TMEM233: variants seen among roughly 807,000 people sequenced by gnomAD.
TMEM233 encodes transmembrane protein 233.
A neutral mutation model predicts 11.2 loss-of-function variants in TMEM233; 6 were observed. The ratio of observed to expected loss-of-function variants is 0.54; its 90% CI spans 0.29 to 1.06. The LOEUF is 1.06. TMEM233 is among the 50% of genes least tolerant of loss of function. The pLI is 0.08. For synonymous variants in TMEM233, 59 were observed against 55.8 expected (o/e 1.06, Z -0.26); for missense variants, 127 against 144.7 (o/e 0.88, Z 0.63).
chr12:119,608,814 T>G (rs1345351069), intron 1 of TMEM233, among the ~76,000 whole-genome samples: 2 of 152,214 alleles, frequency 1.3e-5, no homozygotes, highest in African/African-American at 4.8e-5. Context: ...CCTACATTCA[T>G]TTATTCATTT....
chr12:119,614,552 A>G (rs1954483363), intron 1 of TMEM233, among the ~76,000 whole-genome samples: 1 of 152,232 alleles, frequency 6.6e-6, no homozygotes, highest in African/African-American at 2.4e-5. Flanking sequence ...AAAGTCATCT[A>G]CCTGGTGCTG....
intron 1 of TMEM233, among the ~76,000 whole-genome samples, chr12:119,597,535 G>A (rs1269384519): frequency 2.0e-5 from 3 of 151,650 alleles, no homozygotes; most frequent in Admixed American, 6.6e-5. Context: ...CCAAGCCTGA[G>A]AAGCTTTCTA....
chr12:119,607,789 A>G (rs1413935626), intron 1 of TMEM233, among the ~76,000 whole-genome samples: 1 of 151,690 alleles, frequency 6.6e-6, no homozygotes, highest in Non-Finnish European at 1.5e-5. Context: ...TAATCTTTGT[A>G]TTTCTTGCTG....
At position 119,593,889 on chromosome 12, in the gene TMEM233, T is replaced by C. The variant is rs569870460; in HGVS notation, c.41T>C (p.Leu14Ser). Residue 14 changes from leucine to serine, a missense_variant, in exon 1 of 3, where the codon TTG becomes TCG. Transcript: ENST00000426426. The surrounding 1 kb of genome is among the most constrained non-coding windows in gnomAD (Gnocchi z 4.1). ...CCTAGCCCGGACTTCAAGAGGGCTT[T>C]GGACAGCAGTCCCGAGGCCAACACT... is the stretch of plus-strand genomic sequence containing the variant. ...YAPSPDFKRA[L>S]DSSPEANTED... 118 of 1,551,728 alleles carry C rather than the reference T, an allele frequency of 7.6e-5. 2 individuals are homozygous for C. The East Asian group carries it at 2.4e-3, about 31-fold the overall frequency.
At chr12:119,637,810 G>A (rs942970063) in intron 2 of TMEM233, among the ~76,000 whole-genome samples, 1 of 152,090 alleles carries the variant, frequency 6.6e-6, no homozygotes, top group Non-Finnish European at 1.5e-5. Context: ...GAAGAAATCA[G>A]AATGAACATT....
rs181977468 is a variant in TMEM233, at chr12:119,632,796, C to T, written c.323+2924C>T. 6.1e-3 allele frequency among the ~76,000 whole-genome samples: 924 copies of T among 152,272 alleles called. 9 individuals carry two copies. The highest frequency in any genetic ancestry group is 0.021 in the African/African-American group (889 of 41,542). On this transcript the variant is annotated intron_variant, in intron 2 of 2. Transcript: ENST00000426426. The stretch of plus-strand genomic sequence containing the variant: ...TGACAACCAATTCACATTACTAAAA[C>T]GCATGGTTAGCAATTCACATTACTA...
intron 1 of TMEM233, among the ~76,000 whole-genome samples, chr12:119,606,386 A>T (rs150017195): frequency 6.6e-5 from 10 of 152,320 alleles, no homozygotes; most frequent in African/African-American, 2.4e-4. Context: ...CTAGACATAA[A>T]GGAATGAAGA....
intron 1 of TMEM233, among the ~76,000 whole-genome samples, chr12:119,619,744 A>C (rs1425312154): frequency 6.6e-6 from 1 of 152,094 alleles, no homozygotes; most frequent in Non-Finnish European, 1.5e-5. Context: ...TATTTTTTGA[A>C]GACAGCTTTG....
chr12:119,642,645 C>T lies in TMEM233; in HGVS notation c.*1940C>T, dbSNP rs1001701170. On this transcript the variant is annotated 3_prime_UTR_variant, in exon 3 of 3. Coordinates refer to ENST00000426426, the MANE Select transcript of TMEM233 (RefSeq NM_001136534.3). The stretch of plus-strand genomic sequence containing the variant: ...CTCTCTGTGCCTAAAATTCCTTCAC[C>T]TGCAAAATGGGGATAAGAATGCCTG... The T allele has an allele frequency of 6.6e-6, 1 of 152,054 alleles. No homozygotes were observed. Among genetic ancestry groups the T allele is most frequent in the Admixed American group, 6.6e-5 (1 of 15,260 alleles). 9.4% of individuals were successfully genotyped at this position (152,054 alleles called of 1,614,324 possible).
At chr12:119,632,994 C>A (rs1195972042) in intron 2 of TMEM233, among the ~76,000 whole-genome samples, 1 of 152,016 alleles carries the variant, frequency 6.6e-6, no homozygotes, top group African/African-American at 2.4e-5. Context: ...GTGTTTTTAT[C>A]TGGGGATGAA....
intron 2 of TMEM233, chr12:119,631,636 G>T: frequency 1.0e-6 from 1 of 985,420 alleles, no homozygotes; most frequent in Non-Finnish European, 1.2e-6. Flanking sequence ...AAGGTGTAAG[G>T]TGCTTGTGAA....
intron 2 of TMEM233, among the ~76,000 whole-genome samples, chr12:119,639,084 C>G: frequency 6.6e-6 from 1 of 152,068 alleles, no homozygotes; most frequent in Non-Finnish European, 1.5e-5. Context: ...CTTGCCGTTC[C>G]CTCTGCCTGG....
chr12:119,608,808 CATTCATTT>C (rs1019420552), intron 1 of TMEM233, among the ~76,000 whole-genome samples: 2 of 152,330 alleles, frequency 1.3e-5, no homozygotes, highest in African/African-American at 4.8e-5. Flanking sequence ...TGTTCTCCTA[CATTCATTT>C]ATTCATTTAT....
downstream of TMEM233, among the ~76,000 whole-genome samples, chr12:119,644,876 G>T (rs954178138): frequency 7.2e-5 from 11 of 152,204 alleles, no homozygotes; most frequent in Non-Finnish European, 1.5e-4. Context: ...ACAGAAACTG[G>T]GCTGGTGGAA....
At chr12:119,648,669 G>A in the TMEM233 span, among the ~76,000 whole-genome samples, 231 of 152,296 alleles carry the variant, frequency 1.5e-3, 2 homozygotes, top group African/African-American at 5.1e-3. Context: ...CAGGGACCAT[G>A]TTCATCTTGT....
At chr12:119,635,994 G>A (rs1954964171) in intron 2 of TMEM233, among the ~76,000 whole-genome samples, 1 of 152,096 alleles carries the variant, frequency 6.6e-6, no homozygotes, top group Non-Finnish European at 1.5e-5. Flanking sequence ...CTGTCCTTTT[G>A]GGTTTGCATG....
intron 2 of TMEM233, among the ~76,000 whole-genome samples, chr12:119,630,305 T>C (rs933804526): frequency 4.6e-5 from 7 of 152,192 alleles, no homozygotes; most frequent in African/African-American, 1.4e-4. Context: ...ACATGGATCA[T>C]ATAGGTCAGT....
At chr12:119,605,316 T>C (rs1954251800) in intron 1 of TMEM233, among the ~76,000 whole-genome samples, 1 of 151,328 alleles carries the variant, frequency 6.6e-6, no homozygotes, top group African/African-American at 2.4e-5. Flanking sequence ...TTAAGAAAAC[T>C]GAGGCTCAGA....
At chr12:119,627,549 G>A (rs575627479) in intron 1 of TMEM233, among the ~76,000 whole-genome samples, 7 of 152,200 alleles carry the variant, frequency 4.6e-5, no homozygotes, top group Admixed American at 4.6e-4. Flanking sequence ...GAGAGCAAGA[G>A]AACGATGCCA....
Sources: gnomAD v4.1 joint callset for allele counts (sites outside exome capture counted in the v4.1 genomes callset) on GRCh38, gnomAD v4.1.1 for gene constraint, Gnocchi (gnomAD v3.1) non-coding constraint, MANE v1.5 for transcripts, NCBI Gene and HGNC (gene_info 2026-07-23, HGNC 2026-07-21) for gene names.